Variants in BCKDHB observed in about 807,000 individuals in gnomAD.
BCKDHB encodes the protein 2-oxoisovalerate dehydrogenase subunit beta, mitochondrial.
In BCKDHB, 41 loss-of-function variants were observed where a neutral mutation model predicts 48.5. The ratio of observed to expected loss-of-function variants is 0.85; its 90% confidence interval spans 0.66 to 1.10. The LOEUF is 1.10. Among genes scored for constraint, BCKDHB ranks in the 50% least tolerant of loss-of-function variants. The pLI, the probability that BCKDHB is intolerant of heterozygous loss-of-function variation, is 0.00. For missense variants in BCKDHB, 496 were observed against 494.2 expected (o/e 1.00, Z -0.03); for synonymous variants, 201 against 174.8 (o/e 1.15, Z -1.18).
At chr6:80,242,469 T>A (rs919783237) in intron 8 of BCKDHB, among the ~76,000 whole-genome samples, 3 of 152,036 alleles carry the variant, frequency 2.0e-5, no homozygotes, top group African/African-American at 7.2e-5. Context: ...TTTGGTGGGG[T>A]GGGAGCAGGG....
chr6:80,343,925 G>T lies in BCKDHB; in HGVS notation c.*121G>T, dbSNP rs926733. The T allele has an allele frequency of 1.5e-6, 2 of 1,316,820 alleles. No individual in the cohort carries two copies. Among genetic ancestry groups the T allele is most frequent in the African/African-American group, 2.9e-5 (2 of 68,420 alleles). 81.6% of individuals were successfully genotyped at this position (1,316,820 alleles called of 1,614,324 possible). ...GTAACAAACTTTGATGGTAAAGTTG[G>T]TAAAAGGCAACTTTCAGAAGAAAAT... On this transcript the variant is annotated 3_prime_UTR_variant, in exon 10 of 10. Coordinates refer to ENST00000320393, the MANE Select transcript of BCKDHB (RefSeq NM_183050.4).
intron 8 of BCKDHB, among the ~76,000 whole-genome samples, chr6:80,212,344 A>G (rs1450463113): frequency 6.6e-6 from 1 of 152,108 alleles, no homozygotes; most frequent in Admixed American, 6.6e-5. Context: ...TTCCTTTCCC[A>G]GGGTATTAAT....
chr6:80,307,920 A>G (rs1767959710), intron 9 of BCKDHB: 4 of 970,436 alleles, frequency 4.1e-6, no homozygotes, highest in South Asian at 4.8e-5. Context: ...AAGTAATATC[A>G]TGGGCTACTT....
the BCKDHB span, among the ~76,000 whole-genome samples, chr6:80,379,983 T>A: frequency 6.6e-6 from 1 of 152,068 alleles, no homozygotes; most frequent in Non-Finnish European, 1.5e-5. Flanking sequence ...ATTAGAAGAA[T>A]CAATATTATT....
chr6:80,324,729 T>G (rs1379959368), intron 9 of BCKDHB, among the ~76,000 whole-genome samples: 1 of 152,130 alleles, frequency 6.6e-6, no homozygotes, highest in Non-Finnish European at 1.5e-5. Context: ...GCTATCCTGC[T>G]CCCTCTGCTC....
intron 9 of BCKDHB, among the ~76,000 whole-genome samples, chr6:80,311,011 T>C (rs763790364): frequency 6.6e-6 from 1 of 152,208 alleles, no homozygotes; most frequent in Non-Finnish European, 1.5e-5. Context: ...TTTTTTCAGA[T>C]GGTGATATGG....
intron 6 of BCKDHB, among the ~76,000 whole-genome samples, chr6:80,182,665 T>G (rs1289291111): frequency 1.3e-5 from 2 of 152,210 alleles, no homozygotes; most frequent in African/African-American, 4.8e-5. Flanking sequence ...TACATACATA[T>G]GTGAATATAT....
chr6:80,171,274 T>C lies in BCKDHB; in HGVS notation c.634-8T>C. 6.3e-7 allele frequency: 1 copy of C among 1,583,210 alleles called. No individual in the cohort carries two copies. Among genetic ancestry groups the C allele is most frequent in the Non-Finnish European group, 8.7e-7 (1 of 1,155,122 alleles). On this transcript the variant is annotated splice_polypyrimidine_tract_variant and splice_region_variant and intron_variant, in intron 5 of 9. Transcript: ENST00000320393. ...CTAAAATTGTCTTAAAAAAATCTGTTTTTGCAGGTGGTTATACCCAGAAGC... is the reference window on the plus strand; with the variant it reads ...CTAAAATTGTCTTAAAAAAATCTGTCTTTGCAGGTGGTTATACCCAGAAGC...
At chr6:80,182,164 G>A (rs370773253) in intron 6 of BCKDHB, among the ~76,000 whole-genome samples, 4 of 152,098 alleles carry the variant, frequency 2.6e-5, no homozygotes, top group African/African-American at 7.2e-5. Flanking sequence ...ATCTAAAGCC[G>A]GCAGGACTTC....
At position 80,106,879 on chromosome 6, in the gene BCKDHB, C is replaced by T; in HGVS notation, c.186C>T (p.Pro62=). 3 of 1,606,870 alleles carry T rather than the reference C, an allele frequency of 1.9e-6. No individual in the cohort carries two copies. The highest frequency in any genetic ancestry group is 2.5e-6 in the Non-Finnish European group (3 of 1,177,428). The change falls in exon 1 of 10, where the codon CCC becomes CCT. Residue 62 remains proline (P), a synonymous_variant. Transcript: ENST00000320393. The part of the protein sequence containing the change: ...AHFTFQPDPE[P]REYGQTQKMN... ...TTACTTTCCAGCCAGATCCGGAGCCCCGGGAGTACGGTGAGCCCTGGGACT... is the reference window on the plus strand; with the variant it reads ...TTACTTTCCAGCCAGATCCGGAGCCTCGGGAGTACGGTGAGCCCTGGGACT...
intron 6 of BCKDHB, among the ~76,000 whole-genome samples, chr6:80,190,232 C>G (rs1217715876): frequency 6.6e-6 from 1 of 152,036 alleles, no homozygotes; most frequent in Non-Finnish European, 1.5e-5. Context: ...TTTGATTAGT[C>G]TCAGGAAAAA....
the BCKDHB span, among the ~76,000 whole-genome samples, chr6:80,378,084 A>G: frequency 1.3e-5 from 2 of 152,178 alleles, no homozygotes; most frequent in African/African-American, 4.8e-5. Context: ...ACTGTTGTAA[A>G]TAAAACTGTT....
chr6:80,330,701 C>T (rs576229779), intron 9 of BCKDHB, among the ~76,000 whole-genome samples: 1 of 130,074 alleles, frequency 7.7e-6, no homozygotes, highest in South Asian at 2.5e-4. Context: ...TATCTAGAAA[C>T]AACTACAGGT....
At chr6:80,307,207 C>G (rs1011168597) in intron 9 of BCKDHB, among the ~76,000 whole-genome samples, 2 of 152,236 alleles carry the variant, frequency 1.3e-5, no homozygotes, top group Non-Finnish European at 2.9e-5. Context: ...TTATTAATAG[C>G]TGTGTTTTCT....
Position 80,340,259 on chromosome 6 carries a change from G to A in BCKDHB, c.1039-3405G>A, listed in dbSNP as rs368519290. Among the ~76,000 whole-genome samples the A allele has an allele frequency of 4.9e-4, 75 of 152,220 alleles. 1 individual carries two copies. The highest frequency in any genetic ancestry group is 1.6e-3 in the African/African-American group (67 of 41,524). ...CATTGCCAACAGAATATATGTAGGC[G>A]GTACTAAATTGTTGTTTTGGGGTTC... is the stretch of plus-strand genomic sequence containing the variant. On this transcript the variant is annotated intron_variant, in intron 9 of 9. Coordinates refer to ENST00000320393, the MANE Select transcript of BCKDHB (RefSeq NM_183050.4).
the BCKDHB span, among the ~76,000 whole-genome samples, chr6:80,408,721 A>G: frequency 6.9e-6 from 1 of 145,642 alleles, no homozygotes; most frequent in Admixed American, 6.8e-5. Flanking sequence ...ATCATTTTTT[A>G]TTGCATCTAT....
chr6:80,441,942 A>G, the BCKDHB span, among the ~76,000 whole-genome samples: 1 of 152,214 alleles, frequency 6.6e-6, no homozygotes, highest in African/African-American at 2.4e-5. Flanking sequence ...TTACAATATG[A>G]TTAATGATAC....
intron 3 of BCKDHB, among the ~76,000 whole-genome samples, chr6:80,154,827 C>A (rs987191512): frequency 7.9e-5 from 12 of 152,120 alleles, no homozygotes; most frequent in South Asian, 4.1e-4. Context: ...TGAACTGATT[C>A]GAGGGCTTCT....
At chr6:80,236,451 T>A (rs1776149940) in intron 8 of BCKDHB, among the ~76,000 whole-genome samples, 1 of 152,222 alleles carries the variant, frequency 6.6e-6, no homozygotes, top group Non-Finnish European at 1.5e-5. Context: ...GAACCTATAG[T>A]TTAGCTGGAA....
Sources: allele counts gnomAD v4.1 joint callset (sites outside exome capture counted in the v4.1 genomes callset), GRCh38; gene constraint gnomAD v4.1.1; transcripts MANE v1.5; gene names NCBI Gene and HGNC (gene_info 2026-07-23, HGNC 2026-07-21).